The following MRPS28 variants were observed in gnomAD, a reference collection of about 807,000 sequenced individuals.
MRPS28 encodes mitochondrial ribosomal protein S28, also known as small ribosomal subunit protein bS1m.
Under a neutral mutation model 10.8 loss-of-function variants are expected in MRPS28, and 7 were observed. The ratio of observed to expected loss-of-function variants is 0.65; its 90% CI spans 0.37 to 1.22. The LOEUF (loss-of-function observed/expected upper bound fraction) is 1.22. Among genes scored for constraint, MRPS28 ranks in the 50% most tolerant of loss-of-function variants. MRPS28 has a pLI of 0.02. For synonymous variants in MRPS28, 121 were observed against 93.3 expected, an observed-to-expected ratio of 1.30 and a Z score of -1.71; for missense variants, 265 against 232.9, an observed-to-expected ratio of 1.14 and a Z score of -0.90.
chr8:79,945,347 C>T (rs1277511515), intron 2 of MRPS28, among the ~76,000 whole-genome samples: 2 of 152,168 alleles, frequency 1.3e-5, no homozygotes, highest in African/African-American at 4.8e-5. Context: ...ATAAACAGCC[C>T]TGCAACAAAC....
chr8:80,005,625 C>A (rs56091417), intron 1 of MRPS28, among the ~76,000 whole-genome samples: 1 of 152,190 alleles, frequency 6.6e-6, no homozygotes, highest in African/African-American at 2.4e-5. Context: ...ATCAAATTCA[C>A]ACATAACAAT....
chr8:80,010,264 G>A (rs900967631), intron 1 of MRPS28, among the ~76,000 whole-genome samples: 2 of 152,202 alleles, frequency 1.3e-5, no homozygotes, highest in Non-Finnish European at 2.9e-5. Flanking sequence ...CTATCTGTGA[G>A]AGCAAATCAT....
chr8:79,982,248 A>AAAAAG (rs931865531), intron 2 of MRPS28, among the ~76,000 whole-genome samples: 18 of 152,336 alleles, frequency 1.2e-4, no homozygotes, highest in Admixed American at 3.3e-4. Flanking sequence ...CTCCATCTCA[A>AAAAAG]AAAAGAAAAG....
intron 2 of MRPS28, among the ~76,000 whole-genome samples, chr8:79,986,553 A>T (rs953343287): frequency 6.6e-6 from 1 of 152,240 alleles, no homozygotes; most frequent in African/African-American, 2.4e-5. Flanking sequence ...AATCTCCTTA[A>T]GCTGATAAGA....
At chr8:79,970,016 G>C (rs2130034862) in intron 2 of MRPS28, among the ~76,000 whole-genome samples, 1 of 152,278 alleles carries the variant, frequency 6.6e-6, no homozygotes, top group East Asian at 1.9e-4. Context: ...ATAAACAAAA[G>C]AGTCATTCAA....
chr8:79,984,021 A>G (rs1197627087), intron 2 of MRPS28, among the ~76,000 whole-genome samples: 3 of 152,268 alleles, frequency 2.0e-5, no homozygotes, highest in Non-Finnish European at 2.9e-5. Flanking sequence ...GGGCAGCCAG[A>G]CAGAAAGGTC....
intron 2 of MRPS28, among the ~76,000 whole-genome samples, chr8:79,978,485 T>C (rs1360751631): frequency 6.6e-6 from 1 of 152,204 alleles, no homozygotes; most frequent in Non-Finnish European, 1.5e-5. Context: ...CTCTACTGTG[T>C]ACTAGCTCAC....
At chr8:79,982,976 TGACGC>T (rs1808014785) in intron 2 of MRPS28, among the ~76,000 whole-genome samples, 1 of 14,510 alleles carries the variant, frequency 6.9e-5, no homozygotes, top group African/African-American at 6.7e-4. Context: ...AGTGGGTCCC[TGACGC>T]CTGACCCCCG....
chr8:80,023,317 G>C (rs1424400361), intron 1 of MRPS28, among the ~76,000 whole-genome samples: 3 of 152,110 alleles, frequency 2.0e-5, no homozygotes, highest in Non-Finnish European at 4.4e-5. Flanking sequence ...AAAGGGTTAA[G>C]TAAAACTATA....
chr8:79,920,506 C>T (rs1291521903), intron 2 of MRPS28, among the ~76,000 whole-genome samples: 16 of 152,150 alleles, frequency 1.1e-4, no homozygotes, highest in East Asian at 1.9e-4. Flanking sequence ...GATGGTTATC[C>T]CATTGTGGTT....
At chr8:79,928,934 T>C (rs993611960) in intron 2 of MRPS28, among the ~76,000 whole-genome samples, 5 of 152,134 alleles carry the variant, frequency 3.3e-5, no homozygotes, top group African/African-American at 1.2e-4. Flanking sequence ...TAGTCCCAGC[T>C]ACTTGAGAAG....
Position 80,029,984 on chromosome 8 carries a change from C to G in MRPS28, c.213+52G>C, listed in dbSNP as rs536287524. On this transcript the variant is annotated intron_variant, in intron 1 of 2. Transcript: ENST00000276585. ...CCGCCCCTATTCCCGACCCCGCCCA[C>G]CGCGTCGTTGGCGTAATTCCCGCGA... is the stretch of plus-strand genomic sequence containing the variant. 5 of 1,589,162 alleles carry G rather than the reference C, an allele frequency of 3.1e-6. No individual in the cohort carries two copies. In the South Asian group the frequency reaches 5.7e-5, roughly 18 times the overall value.
At chr8:79,984,345 G>A (rs1808079993) in intron 2 of MRPS28, among the ~76,000 whole-genome samples, 1 of 152,192 alleles carries the variant, frequency 6.6e-6, no homozygotes, top group Admixed American at 6.5e-5. Flanking sequence ...GACCATCGAG[G>A]CTAGGAAGAA....
intron 2 of MRPS28, among the ~76,000 whole-genome samples, chr8:79,933,448 G>A (rs1806520933): frequency 6.6e-6 from 1 of 152,160 alleles, no homozygotes; most frequent in South Asian, 2.1e-4. Context: ...CAGTCACGCT[G>A]GAAACTTGGG....
At chr8:79,966,763 T>C (rs1807512836) in intron 2 of MRPS28, among the ~76,000 whole-genome samples, 1 of 152,188 alleles carries the variant, frequency 6.6e-6, no homozygotes, top group Admixed American at 6.6e-5. Context: ...ATTCATAGAA[T>C]ACTCAATTAG....
chr8:79,954,692 T>C (rs986408339), intron 2 of MRPS28, among the ~76,000 whole-genome samples: 1 of 152,222 alleles, frequency 6.6e-6, no homozygotes, highest in Admixed American at 6.5e-5. Context: ...TTTCCTCCAC[T>C]GCAATTCTCT....
At chr8:80,016,518 T>G (rs1809200233) in intron 1 of MRPS28, among the ~76,000 whole-genome samples, 1 of 152,070 alleles carries the variant, frequency 6.6e-6, no homozygotes, top group Non-Finnish European at 1.5e-5. Flanking sequence ...TGAGGGAATT[T>G]GTTGCAAGTA....
chr8:79,993,885 GAA>G (rs1264266787), intron 2 of MRPS28, among the ~76,000 whole-genome samples: 1 of 152,120 alleles, frequency 6.6e-6, no homozygotes, highest in Non-Finnish European at 1.5e-5. Context: ...CACACAATCT[GAA>G]ATAGAAACAA....
At position 80,011,277 on chromosome 8, in the gene MRPS28, G is replaced by A. The variant is rs562305930; in HGVS notation, c.214-8097C>T. Among the ~76,000 whole-genome samples the A allele has an allele frequency of 4.0e-5, 6 of 151,886 alleles. No individual in the cohort carries two copies. The South Asian group carries it at 6.2e-4, about 16-fold the overall frequency. ...AGAGAAGAGCAAACAGTATCAACTTGGGGGTCTCTGCTTGTAACCAGGGCA... is the reference window on the plus strand; with the variant it reads ...AGAGAAGAGCAAACAGTATCAACTTAGGGGTCTCTGCTTGTAACCAGGGCA... On this transcript the variant is annotated intron_variant, in intron 1 of 2. Transcript: ENST00000276585.
Sources: allele counts gnomAD v4.1 joint callset (sites outside exome capture counted in the v4.1 genomes callset), GRCh38; gene constraint gnomAD v4.1.1; transcripts MANE v1.5; gene names NCBI Gene and HGNC (gene_info 2026-07-23, HGNC 2026-07-21).